Variants in ELAVL4 observed in about 807,000 individuals in gnomAD.
The protein encoded by ELAVL4 is ELAV like RNA binding protein 4, also known as ELAV-like protein 4.
A neutral mutation model predicts 35.6 loss-of-function variants in ELAVL4; 1 was observed. The ratio of observed to expected loss-of-function variants is 0.03; its 90% CI spans 0.01 to 0.13. The LOEUF is 0.13. ELAVL4 is among the 10% of genes least tolerant of loss of function. ELAVL4 has a pLI of 1.00. For synonymous variants in ELAVL4, 156 were observed against 171.0 expected, an observed-to-expected ratio of 0.91 and a Z score of 0.69; for missense variants, 267 against 464.9, an observed-to-expected ratio of 0.57 and a Z score of 3.91.
At chr1:50,101,328 C>T (rs1034465678), upstream of ELAVL4, among the ~76,000 whole-genome samples, 1 of 152,146 alleles carries the variant, frequency 6.6e-6, no homozygotes. Context: ...ATCAGGTACT[C>T]ATCCTGCTTT....
At chr1:50,154,864 G>T (rs1572429505) in intron 2 of ELAVL4, among the ~76,000 whole-genome samples, 1 of 151,312 alleles carries the variant, frequency 6.6e-6, no homozygotes, top group East Asian at 1.9e-4. Flanking sequence ...TGGCTTATTA[G>T]ATAGTATGGA....
intron 1 of ELAVL4, among the ~76,000 whole-genome samples, chr1:50,052,838 G>T (rs189602223): frequency 6.6e-6 from 1 of 152,230 alleles, no homozygotes; most frequent in Non-Finnish European, 1.5e-5. Flanking sequence ...CCAAAGAAAA[G>T]AAAAAACTGC....
At chr1:50,085,513 A>G (rs983318107) in intron 1 of ELAVL4, among the ~76,000 whole-genome samples, 5 of 152,190 alleles carry the variant, frequency 3.3e-5, no homozygotes, top group Non-Finnish European at 7.3e-5. Flanking sequence ...ATCTTCTGAA[A>G]ACTTTATTTT....
At chr1:50,186,878 A>T (rs578115627) in intron 3 of ELAVL4, among the ~76,000 whole-genome samples, 1 of 152,298 alleles carries the variant, frequency 6.6e-6, no homozygotes, top group South Asian at 2.1e-4. Context: ...GGGGAAGTGT[A>T]AAGAGTGGTG....
intron 1 of ELAVL4, among the ~76,000 whole-genome samples, chr1:50,054,025 G>T (rs143017394): frequency 0.015 from 2,320 of 152,316 alleles, 27 homozygotes; most frequent in Middle Eastern, 0.051. Flanking sequence ...AGTATACCTA[G>T]AGGGGTTCAA....
chr1:50,082,617 C>T (rs1344858250), intron 1 of ELAVL4, among the ~76,000 whole-genome samples: 1 of 152,106 alleles, frequency 6.6e-6, no homozygotes, highest in South Asian at 2.1e-4. Context: ...TTCTCCTATT[C>T]TGTAAGTTGG....
chr1:50,131,936 C>A, intron 1 of ELAVL4, among the ~76,000 whole-genome samples: 1 of 148,282 alleles, frequency 6.7e-6, no homozygotes. Flanking sequence ...ATGCTCTTTA[C>A]ACACAGAAAA....
At chr1:50,186,058 T>G (rs1681779217) in intron 3 of ELAVL4, among the ~76,000 whole-genome samples, 1 of 152,036 alleles carries the variant, frequency 6.6e-6, no homozygotes, top group Non-Finnish European at 1.5e-5. Context: ...CTTTGATAAT[T>G]TGATAGATAT....
intron 2 of ELAVL4, among the ~76,000 whole-genome samples, chr1:50,173,669 G>C (rs930196135): frequency 6.6e-6 from 1 of 152,116 alleles, no homozygotes; most frequent in Non-Finnish European, 1.5e-5. Flanking sequence ...TTCAATAAAT[G>C]TAACTTTGAT....
Position 50,082,538 on chromosome 1 carries a change from TA to T in ELAVL4, c.18+34359del, listed in dbSNP as rs1422937679. On this transcript the variant is annotated intron_variant, in intron 1 of 6. Transcript: ENST00000448907. ...AATGGGGTTGTTTGTTTTTTTCTTG[TA>T]AATTTGTTTAAGTTCTTTGTAGATT... Among the ~76,000 whole-genome samples the T allele has an allele frequency of 2.0e-5, 3 of 152,356 alleles. No individual in the cohort carries two copies. The East Asian group carries it at 5.8e-4, about 29-fold the overall frequency.
chr1:50,074,607 T>A (rs1485317270), intron 1 of ELAVL4, among the ~76,000 whole-genome samples: 3 of 152,136 alleles, frequency 2.0e-5, no homozygotes, highest in African/African-American at 7.2e-5. Context: ...TAAAGTGCAA[T>A]TACTATATGG....
At chr1:50,167,151 C>T (rs912774643) in intron 2 of ELAVL4, among the ~76,000 whole-genome samples, 20 of 152,160 alleles carry the variant, frequency 1.3e-4, no homozygotes, top group African/African-American at 4.8e-4. Context: ...GAGAACTTTG[C>T]CCCAGCCCTG....
chr1:50,094,147 T>C (rs2148507789), intron 1 of ELAVL4, among the ~76,000 whole-genome samples: 1 of 152,318 alleles, frequency 6.6e-6, no homozygotes, highest in East Asian at 1.9e-4. Context: ...GGAAGCTTTG[T>C]CTAGGAAAGG....
At chr1:50,157,854 A>G (rs1333364880) in intron 2 of ELAVL4, among the ~76,000 whole-genome samples, 3 of 152,216 alleles carry the variant, frequency 2.0e-5, no homozygotes, top group Admixed American at 2.0e-4. Context: ...GTAATAAACT[A>G]ATAACCAAAA....
chr1:50,106,232 C>A, upstream of ELAVL4: 1 of 1,364,608 alleles, frequency 7.3e-7, no homozygotes, highest in Non-Finnish European at 1.0e-6. Context: ...GCTTCTGGTA[C>A]AGTCCATCTG....
At chr1:50,054,921 G>A (rs932587991) in intron 1 of ELAVL4, among the ~76,000 whole-genome samples, 5 of 152,170 alleles carry the variant, frequency 3.3e-5, no homozygotes, top group Non-Finnish European at 7.3e-5. Context: ...TACTTCTCCA[G>A]CTCCCTCCCT....
chr1:50,089,242 A>G (rs1572156284), intron 1 of ELAVL4, among the ~76,000 whole-genome samples: 1 of 152,366 alleles, frequency 6.6e-6, no homozygotes. Context: ...AAAGGAAGCA[A>G]GGAGGCTACA....
chr1:50,116,267 G>C (rs1305454004), intron 1 of ELAVL4, among the ~76,000 whole-genome samples: 1 of 152,052 alleles, frequency 6.6e-6, no homozygotes, highest in Non-Finnish European at 1.5e-5. Context: ...GTGGCTTTTT[G>C]AATTCCTTTT....
chr1:50,073,907 C>T lies in ELAVL4; in HGVS notation c.18+25725C>T, dbSNP rs370456174. On this transcript the variant is annotated intron_variant, in intron 1 of 6. Transcript: ENST00000448907. ...AGACTTTCAGATAAGAATCCTATAC[C>T]TTTAGTTGCCTTCTGGACATCTTCA... Among the ~76,000 whole-genome samples, 60 of 152,282 alleles carry T rather than the reference C, an allele frequency of 3.9e-4. 2 individuals are homozygous for T. In the South Asian group the frequency reaches 0.01, roughly 26 times the overall value.
Sources: gnomAD v4.1 joint callset for allele counts (sites outside exome capture counted in the v4.1 genomes callset) on GRCh38, gnomAD v4.1.1 for gene constraint, MANE v1.5 for transcripts, NCBI Gene and HGNC (gene_info 2026-07-23, HGNC 2026-07-21) for gene names.